SLC49A4: variants seen among roughly 807,000 people sequenced by gnomAD.
SLC49A4 encodes solute carrier family 49 member 4.
In SLC49A4, 36 loss-of-function variants were observed where a neutral mutation model predicts 50.6. The ratio of observed to expected loss-of-function variants is 0.71; its 90% confidence interval spans 0.55 to 0.94. The LOEUF (loss-of-function observed/expected upper bound fraction) is 0.94. Ranked by LOEUF, SLC49A4 falls within the 40% of genes least tolerant of loss-of-function variation. The pLI is 0.00. For synonymous variants in SLC49A4, 248 were observed against 241.2 expected (o/e 1.03, Z -0.26); for missense variants, 503 against 605.7 (o/e 0.83, Z 1.78).
Position 122,856,377 on chromosome 3 carries a change from G to A in SLC49A4, c.1010+3G>A, listed in dbSNP as rs1458544519. On this transcript the variant is annotated splice_donor_region_variant and intron_variant, in intron 6 of 8. Transcript: ENST00000261038. ...GTTGTTGGAATAGCTATGGCAAGGT[G>A]AGAATATTTTGTTAAACTTGTGAGT... 1.9e-6 allele frequency: 3 copies of A among 1,613,758 alleles called. No individual in the cohort carries two copies. Among genetic ancestry groups the A allele is most frequent in the South Asian group, 1.1e-5 (1 of 91,048 alleles).
chr3:122,814,107 C>T (rs913554422), intron 2 of SLC49A4, among the ~76,000 whole-genome samples: 1 of 152,148 alleles, frequency 6.6e-6, no homozygotes, highest in East Asian at 1.9e-4. Flanking sequence ...CTCGTCTCTA[C>T]TAAAAATACG....
chr3:122,819,835 G>A (rs1259425159), intron 2 of SLC49A4, among the ~76,000 whole-genome samples: 1 of 143,810 alleles, frequency 7.0e-6, no homozygotes, highest in Non-Finnish European at 1.5e-5. Flanking sequence ...TTTTTTTAAA[G>A]TTTTTTTTTT....
chr3:122,795,351 G>A lies in SLC49A4; in HGVS notation c.159G>A (p.Leu53=), dbSNP rs1936003981. The A allele has an allele frequency of 3.2e-6, 5 of 1,575,704 alleles. No individual in the cohort carries two copies. The highest frequency in any genetic ancestry group is 4.3e-6 in the Non-Finnish European group (5 of 1,167,912). The change falls in exon 1 of 9, where the codon CTG becomes CTA. Residue 53 remains leucine (L), a synonymous_variant. Coordinates refer to ENST00000261038, the MANE Select transcript of SLC49A4 (RefSeq NM_032839.3). ...GPGRVYGRRW[L]VLLLFSLLAF... ...GGCGGGTATACGGGCGCCGCTGGCT[G>A]GTGCTGCTGCTCTTCTCGCTGCTGG... is the stretch of plus-strand genomic sequence containing the variant.
intron 4 of SLC49A4, among the ~76,000 whole-genome samples, chr3:122,842,867 C>T (rs929615437): frequency 6.6e-6 from 1 of 152,190 alleles, no homozygotes; most frequent in Non-Finnish European, 1.5e-5. Context: ...TACCTTTGGG[C>T]TCTCCAGGGG....
chr3:122,803,817 T>C (rs145379811), intron 1 of SLC49A4, among the ~76,000 whole-genome samples: 282 of 152,334 alleles, frequency 1.9e-3, no homozygotes, highest in African/African-American at 6.5e-3. Flanking sequence ...AAAGGAGTTA[T>C]CACATCTGTT....
intron 2 of SLC49A4, among the ~76,000 whole-genome samples, chr3:122,812,552 T>C (rs1936313009): frequency 6.6e-6 from 1 of 152,220 alleles, no homozygotes; most frequent in African/African-American, 2.4e-5. Flanking sequence ...AGTTAGGCTC[T>C]TGAGTGAACC....
chr3:122,837,412 C>G lies in SLC49A4; in HGVS notation c.833+3966C>G, dbSNP rs1162515488. Among the ~76,000 whole-genome samples, 5 of 152,064 alleles carry G rather than the reference C, an allele frequency of 3.3e-5. No individual in the cohort carries two copies. In the East Asian group the frequency reaches 9.6e-4, roughly 29 times the overall value. On this transcript the variant is annotated intron_variant, in intron 4 of 8. Transcript: ENST00000261038. ...AGCCCTCAGAAATAATGCCGCATAT[C>G]TACAACTATCTGATCTTTGACAAAC...
In SLC49A4 at chr3:122,862,839, A is replaced by G. The variant is rs201267997; in HGVS notation, c.1138+2637A>G. Among the ~76,000 whole-genome samples the G allele has an allele frequency of 7.2e-5, 11 of 152,238 alleles. No homozygotes were observed. The East Asian group carries it at 2.1e-3, about 29-fold the overall frequency. ...GGGTAGAATATTAAGAATGAATTTA[A>G]TTTTTTAATCTCTTTTTTTTGGTCT... On this transcript the variant is annotated intron_variant, in intron 7 of 8. Transcript: ENST00000261038.
chr3:122,828,132 C>T (rs1936560580), intron 3 of SLC49A4, among the ~76,000 whole-genome samples: 1 of 152,100 alleles, frequency 6.6e-6, no homozygotes, highest in Non-Finnish European at 1.5e-5. Context: ...CTTTTTTGTT[C>T]ACTTATAAAT....
At chr3:122,797,629 A>G (rs1936065409) in intron 1 of SLC49A4, among the ~76,000 whole-genome samples, 1 of 152,180 alleles carries the variant, frequency 6.6e-6, no homozygotes, top group Non-Finnish European at 1.5e-5. Flanking sequence ...GGCTTCTCCT[A>G]CCAAAGGGAG....
intron 7 of SLC49A4, among the ~76,000 whole-genome samples, chr3:122,867,327 TC>T (rs1424692713): frequency 6.6e-6 from 1 of 152,190 alleles, no homozygotes; most frequent in African/African-American, 2.4e-5. Context: ...TTTTCTTTTT[TC>T]ACTGTGACAC....
chr3:122,827,208 T>C, intron 3 of SLC49A4, 143 bp downstream of exon 3: 1 of 898,282 alleles, frequency 1.1e-6, no homozygotes, highest in Non-Finnish European at 1.6e-6. Flanking sequence ...GCATTCCTTG[T>C]CATATGATAT....
intron 1 of SLC49A4, among the ~76,000 whole-genome samples, chr3:122,805,964 G>T (rs899343282): frequency 6.6e-6 from 1 of 151,832 alleles, no homozygotes; most frequent in South Asian, 2.1e-4. Context: ...AAAACCATCG[G>T]ATAAATCAAG....
intron 4 of SLC49A4, among the ~76,000 whole-genome samples, chr3:122,844,872 AAT>A (rs35644046): frequency 0.68 from 101,459 of 150,174 alleles, 34,790 homozygotes; most frequent in Non-Finnish European, 0.76. Context: ...CTTCTTGAAG[AAT>A]ATATATATAT....
At chr3:122,803,142 A>G (rs1936158130) in intron 1 of SLC49A4, among the ~76,000 whole-genome samples, 1 of 152,216 alleles carries the variant, frequency 6.6e-6, no homozygotes, top group African/African-American at 2.4e-5. Context: ...ACCAAGGCAC[A>G]TCATGGTCAT....
chr3:122,875,365 G>T (rs138234613), intron 8 of SLC49A4, among the ~76,000 whole-genome samples: 1 of 151,940 alleles, frequency 6.6e-6, no homozygotes. Flanking sequence ...TTTTAGGGGT[G>T]GGGGAGACAG....
At chr3:122,807,045 G>GT in intron 2 of SLC49A4, 95 bp downstream of exon 2, 1 of 672,464 alleles carries the variant, frequency 1.5e-6, no homozygotes, top group South Asian at 2.0e-5. Context: ...TTATAGAAGC[G>GT]TTTATTTTTT....
At chr3:122,866,551 C>T (rs756004685) in intron 7 of SLC49A4, among the ~76,000 whole-genome samples, 6 of 152,114 alleles carry the variant, frequency 3.9e-5, no homozygotes, top group Admixed American at 2.0e-4. Flanking sequence ...GTTGTTAGCT[C>T]TGGGGCCTAG....
intron 4 of SLC49A4, among the ~76,000 whole-genome samples, chr3:122,843,692 A>G (rs1936809326): frequency 6.6e-6 from 1 of 152,172 alleles, no homozygotes; most frequent in Non-Finnish European, 1.5e-5. Flanking sequence ...TATTCCCAAC[A>G]TCTGGATTTT....
Sources: allele counts gnomAD v4.1 joint callset (sites outside exome capture counted in the v4.1 genomes callset), GRCh38; gene constraint gnomAD v4.1.1; transcripts MANE v1.5; gene names NCBI Gene and HGNC (gene_info 2026-07-23, HGNC 2026-07-21).